Variants in AFF1 observed in about 807,000 individuals in gnomAD.
AFF1 encodes AF4/FMR2 family member 1.
In AFF1, 48 loss-of-function variants were observed where a neutral mutation model predicts 121.7. The observed-to-expected ratio is 0.39, with a 90% confidence interval of 0.31 to 0.50. AFF1 has a LOEUF of 0.50. Among genes scored for constraint, AFF1 ranks in the 20% least tolerant of loss-of-function variants. The pLI is 0.76. For missense variants in AFF1, 1,523 were observed against 1,511.7 expected (o/e 1.01, Z -0.12); for synonymous variants, 613 against 563.0 (o/e 1.09, Z -1.26).
rs887527279 is a variant in AFF1, at chr4:87,018,087, G to T, written c.39-28079G>T. 3.9e-5 allele frequency among the ~76,000 whole-genome samples: 6 copies of T among 152,252 alleles called. No individual in the cohort carries two copies. The East Asian group carries it at 9.6e-4, about 24-fold the overall frequency. On this transcript the variant is annotated intron_variant, in intron 2 of 20. Transcript: ENST00000395146. ...CTGCTCTGCATATTAATTTACCTGCGTAAGAATTATATCAGTATCAACAGC... is the reference window on the plus strand; with the variant it reads ...CTGCTCTGCATATTAATTTACCTGCTTAAGAATTATATCAGTATCAACAGC...
At chr4:87,119,413 T>TG (rs1238699250) in intron 12 of AFF1, among the ~76,000 whole-genome samples, 1 of 150,966 alleles carries the variant, frequency 6.6e-6, no homozygotes, top group Non-Finnish European at 1.5e-5. Flanking sequence ...ACACTGTCTC[T>TG]GAAAAAAAAA....
chr4:87,001,747 A>G (rs1222940042), intron 2 of AFF1, among the ~76,000 whole-genome samples: 1 of 152,190 alleles, frequency 6.6e-6, no homozygotes, highest in Non-Finnish European at 1.5e-5. Context: ...AGAGCCGGTT[A>G]ATTTCCAGTG....
chr4:87,001,128 TC>T (rs1408876062), intron 2 of AFF1, among the ~76,000 whole-genome samples: 1 of 149,386 alleles, frequency 6.7e-6, no homozygotes, highest in Non-Finnish European at 1.5e-5. Flanking sequence ...TTTGGGGGCC[TC>T]AGAGGTATTA....
At chr4:87,068,078 T>A (rs2149669713) in intron 4 of AFF1, among the ~76,000 whole-genome samples, 1 of 42,874 alleles carries the variant, frequency 2.3e-5, no homozygotes, top group Admixed American at 1.8e-4. Flanking sequence ...ATGGGATAAA[T>A]AACGAAACTT....
At chr4:87,104,512 T>C (rs1725717913) in intron 8 of AFF1, among the ~76,000 whole-genome samples, 1 of 152,226 alleles carries the variant, frequency 6.6e-6, no homozygotes, top group Admixed American at 6.5e-5. Context: ...TTTTAGTACA[T>C]TTATGAAAGT....
chr4:87,006,778 G>C (rs578254013), intron 2 of AFF1, among the ~76,000 whole-genome samples: 4 of 152,234 alleles, frequency 2.6e-5, no homozygotes, highest in Non-Finnish European at 4.4e-5. Context: ...GAGCACTCTC[G>C]AGGAGCCCGC....
At chr4:87,067,995 A>G (rs1370797680) in intron 4 of AFF1, among the ~76,000 whole-genome samples, 2 of 152,212 alleles carry the variant, frequency 1.3e-5, no homozygotes, top group Non-Finnish European at 2.9e-5. Flanking sequence ...GTTTTTTCTT[A>G]TATGTAAAAT....
chr4:87,063,056 A>T (rs897754110), intron 4 of AFF1, among the ~76,000 whole-genome samples: 2 of 152,160 alleles, frequency 1.3e-5, no homozygotes, highest in African/African-American at 4.8e-5. Context: ...TCTGTAAAAT[A>T]GCAATGGTAG....
rs775464342 is a variant in AFF1, at chr4:87,131,888, T to C, written c.3173+24T>C. 2.0e-6 allele frequency: 3 copies of C among 1,527,762 alleles called. No homozygotes were observed. In the South Asian group the frequency reaches 3.7e-5, roughly 19 times the overall value. The allele number at this position is 1,527,762 out of a possible 1,614,324, so 94.6% of individuals were successfully genotyped here. A position where few individuals can be genotyped will look rare whatever the true frequency, so the allele number is the denominator to read the frequency against. The stretch of plus-strand genomic sequence containing the variant: ...TGGTGCGTATTTTCCTTTGTCTAAA[T>C]AGTACTAAATTTGTTTTTGCATCTG... On this transcript the variant is annotated intron_variant, in intron 18 of 20. Coordinates refer to ENST00000395146, the MANE Select transcript of AFF1 (RefSeq NM_001166693.3).
chr4:86,999,649 C>T (rs1725528264), intron 2 of AFF1, among the ~76,000 whole-genome samples: 1 of 152,152 alleles, frequency 6.6e-6, no homozygotes, highest in Non-Finnish European at 1.5e-5. Flanking sequence ...TTGTACAAGA[C>T]AGCATTTAGA....
At position 87,131,841 on chromosome 4, in the gene AFF1, A is replaced by C. The variant is rs1296119807; in HGVS notation, c.3150A>C (p.Gln1050His). ...KSFSDATAPT[Q>H]EKIFAVLCMR... ...TCTCAGATGCCACAGCGCCAACACA[A>C]GAGAAAATATTTGCTGTTTTATGGT... Residue 1050 changes from glutamine to histidine, a missense_variant, in exon 18 of 21, where the codon CAA becomes CAC. Gln to His is a conservative substitution (Grantham distance 24). Transcript: ENST00000395146. 1.3e-6 allele frequency: 2 copies of C among 1,589,208 alleles called. No individual in the cohort carries two copies. Among genetic ancestry groups the C allele is most frequent in the African/African-American group, 2.7e-5 (2 of 73,214 alleles).
At chr4:87,035,725 A>G (rs1401582865) in intron 2 of AFF1, among the ~76,000 whole-genome samples, 1 of 152,236 alleles carries the variant, frequency 6.6e-6, no homozygotes, top group Non-Finnish European at 1.5e-5. Flanking sequence ...TCTCGGGGCC[A>G]CATTCCAAAT....
chr4:87,025,318 C>G (rs1418402910), intron 2 of AFF1, among the ~76,000 whole-genome samples: 1 of 152,094 alleles, frequency 6.6e-6, no homozygotes, highest in African/African-American at 2.4e-5. Context: ...TACAACAGCC[C>G]AAAACTTTTT....
chr4:87,043,885 C>G (rs1047388439), intron 2 of AFF1, among the ~76,000 whole-genome samples: 3 of 151,954 alleles, frequency 2.0e-5, no homozygotes, highest in Non-Finnish European at 2.9e-5. Flanking sequence ...GTGGTGCGAT[C>G]TCAGCTCACT....
chr4:87,091,505 A>G (rs1724308495), intron 6 of AFF1, among the ~76,000 whole-genome samples: 1 of 152,282 alleles, frequency 6.6e-6, no homozygotes, highest in African/African-American at 2.4e-5. Context: ...AACAAAGGAA[A>G]AATAAACTCT....
intron 5 of AFF1, among the ~76,000 whole-genome samples, chr4:87,084,973 C>T (rs1354498363): frequency 6.6e-6 from 1 of 152,134 alleles, no homozygotes; most frequent in Non-Finnish European, 1.5e-5. Context: ...GCCTTTTCTT[C>T]AGTGAGACGA....
intron 2 of AFF1, among the ~76,000 whole-genome samples, chr4:86,956,478 C>G (rs1721747384): frequency 6.6e-6 from 1 of 152,180 alleles, no homozygotes; most frequent in Non-Finnish European, 1.5e-5. Context: ...AATTTACAAG[C>G]TATTTTAAGT....
chr4:87,084,057 C>A, intron 4 of AFF1, 63 bp from the exon 5 acceptor site: 1 of 1,433,134 alleles, frequency 7.0e-7, no homozygotes, highest in East Asian at 2.3e-5. Flanking sequence ...TACAGTCATC[C>A]ACCAGTACCA....
intron 4 of AFF1, among the ~76,000 whole-genome samples, chr4:87,064,147 T>A (rs1721095641): frequency 6.6e-6 from 1 of 152,232 alleles, no homozygotes; most frequent in African/African-American, 2.4e-5. Flanking sequence ...TGTAAAGGGC[T>A]TTTTGAGCCC....
Sources: gnomAD v4.1 joint callset for allele counts (sites outside exome capture counted in the v4.1 genomes callset) on GRCh38, gnomAD v4.1.1 for gene constraint, MANE v1.5 for transcripts, NCBI Gene and HGNC (gene_info 2026-07-23, HGNC 2026-07-21) for gene names.